The following FBXL17 variants were observed in gnomAD, a reference collection of about 807,000 sequenced individuals.
FBXL17 encodes F-box and leucine rich repeat protein 17.
In FBXL17, 22 loss-of-function variants were observed where a neutral mutation model predicts 66.2. The observed-to-expected ratio is 0.33, with a 90% CI of 0.24 to 0.47. The LOEUF (loss-of-function observed/expected upper bound fraction) is 0.47. Ranked by LOEUF, FBXL17 falls within the 20% of genes least tolerant of loss-of-function variation. FBXL17 has a pLI of 1.00. For missense variants in FBXL17, 878 were observed against 948.2 expected, an observed-to-expected ratio of 0.93 and a Z score of 0.97; for synonymous variants, 474 against 400.5, an observed-to-expected ratio of 1.18 and a Z score of -2.19.
chr5:108,202,594 C>T (rs1753941598), intron 5 of FBXL17, among the ~76,000 whole-genome samples: 1 of 152,084 alleles, frequency 6.6e-6, no homozygotes, highest in Non-Finnish European at 1.5e-5. Context: ...AGAACTCTAT[C>T]TATACTATAT....
intron 6 of FBXL17, among the ~76,000 whole-genome samples, chr5:108,037,338 T>G (rs1746885900): frequency 6.6e-6 from 1 of 152,136 alleles, no homozygotes; most frequent in South Asian, 2.1e-4. Context: ...CCATGAAAAT[T>G]TCCACTGTAA....
chr5:108,221,619 A>G (rs181027383), intron 5 of FBXL17, among the ~76,000 whole-genome samples: 89 of 152,292 alleles, frequency 5.8e-4, no homozygotes, highest in African/African-American at 2.1e-3. Flanking sequence ...GATAACTCTT[A>G]ACACTCTATA....
chr5:107,963,244 T>C (rs190464864), intron 7 of FBXL17, among the ~76,000 whole-genome samples: 92 of 152,224 alleles, frequency 6.0e-4, no homozygotes, highest in African/African-American at 2.2e-3. Flanking sequence ...CATCCACCCA[T>C]ACATTGAGGG....
chr5:108,175,375 A>G (rs1409854487), intron 6 of FBXL17, among the ~76,000 whole-genome samples: 3 of 152,238 alleles, frequency 2.0e-5, no homozygotes, highest in Non-Finnish European at 4.4e-5. Flanking sequence ...TCAGCTAGAC[A>G]GTAACATGAT....
At chr5:108,036,292 A>C (rs1322980989) in intron 6 of FBXL17, among the ~76,000 whole-genome samples, 1 of 152,196 alleles carries the variant, frequency 6.6e-6, no homozygotes, top group African/African-American at 2.4e-5. Flanking sequence ...TCTCAAAACA[A>C]TAAACCTTTC....
intron 6 of FBXL17, among the ~76,000 whole-genome samples, chr5:108,045,915 G>T (rs1267574378): frequency 6.6e-6 from 1 of 152,168 alleles, no homozygotes; most frequent in African/African-American, 2.4e-5. Context: ...ATGGTTACTT[G>T]AAAAGAATGT....
chr5:108,300,787 TGAA>T (rs1758553873), intron 4 of FBXL17, among the ~76,000 whole-genome samples: 1 of 151,662 alleles, frequency 6.6e-6, no homozygotes, highest in Non-Finnish European at 1.5e-5. Context: ...ATCTATATAA[TGAA>T]GGTCTATATG....
chr5:108,004,926 C>T (rs1336733049), intron 7 of FBXL17, among the ~76,000 whole-genome samples: 1 of 152,044 alleles, frequency 6.6e-6, no homozygotes, highest in African/African-American at 2.4e-5. Context: ...CTCATTTCCC[C>T]AACCCTAAGA....
intron 4 of FBXL17, among the ~76,000 whole-genome samples, chr5:108,311,464 A>T (rs1161524924): frequency 6.6e-6 from 1 of 152,022 alleles, no homozygotes; most frequent in Non-Finnish European, 1.5e-5. Context: ...GAGCTGCCAC[A>T]CCCGGCCTTC....
intron 8 of FBXL17, among the ~76,000 whole-genome samples, chr5:107,873,930 T>C (rs913042542): frequency 4.6e-5 from 7 of 152,118 alleles, no homozygotes; most frequent in Admixed American, 4.6e-4. Context: ...AATTTCACTA[T>C]CCATCAATCC....
intron 4 of FBXL17, among the ~76,000 whole-genome samples, chr5:108,250,031 C>G (rs1455225249): frequency 1.3e-5 from 2 of 151,994 alleles, no homozygotes; most frequent in African/African-American, 4.8e-5. Flanking sequence ...GTTTCATATC[C>G]AAGAGCCCAT....
chr5:107,870,687 G>A (rs902666984), intron 8 of FBXL17, among the ~76,000 whole-genome samples: 7 of 151,706 alleles, frequency 4.6e-5, no homozygotes, highest in Non-Finnish European at 7.4e-5. Context: ...CTGGGTCCAA[G>A]TGATTCTCCT....
chr5:108,098,029 TAGA>T (rs1228356250), intron 6 of FBXL17, among the ~76,000 whole-genome samples: 1 of 152,120 alleles, frequency 6.6e-6, no homozygotes, highest in Non-Finnish European at 1.5e-5. Flanking sequence ...CTAGATCTCC[TAGA>T]AGAAGCTCAT....
intron 7 of FBXL17, among the ~76,000 whole-genome samples, chr5:108,016,782 C>CTT (rs372887324): frequency 0.28 from 40,092 of 145,022 alleles, 6,500 homozygotes; most frequent in Admixed American, 0.37. Flanking sequence ...TTCTTTCTTT[C>CTT]TTTCTTTTTT....
intron 7 of FBXL17, among the ~76,000 whole-genome samples, chr5:107,921,943 C>G (rs893904628): frequency 6.6e-6 from 1 of 152,156 alleles, no homozygotes; most frequent in African/African-American, 2.4e-5. Flanking sequence ...ACGTGGATAC[C>G]AAAGCTAATG....
chr5:108,018,073 C>T (rs1488107988), intron 7 of FBXL17, among the ~76,000 whole-genome samples: 1 of 151,938 alleles, frequency 6.6e-6, no homozygotes, highest in African/African-American at 2.4e-5. Context: ...TCTCAGTATA[C>T]TGTACTAAAA....
intron 6 of FBXL17, among the ~76,000 whole-genome samples, chr5:108,096,146 G>C (rs1345414880): frequency 6.6e-6 from 1 of 152,166 alleles, no homozygotes; most frequent in Non-Finnish European, 1.5e-5. Context: ...AAAATACTCT[G>C]ATTTTGTTCA....
At chr5:107,929,210 C>CCTTG (rs930880255) in intron 7 of FBXL17, among the ~76,000 whole-genome samples, 1 of 152,040 alleles carries the variant, frequency 6.6e-6, no homozygotes, top group African/African-American at 2.4e-5. Flanking sequence ...TTTTTAAATG[C>CCTTG]CTTGTCCTTT....
At chr5:108,060,725 C>G (rs184291192) in intron 6 of FBXL17, among the ~76,000 whole-genome samples, 44 of 152,230 alleles carry the variant, frequency 2.9e-4, no homozygotes, top group African/African-American at 1.1e-3. Context: ...CCATCCCCCC[C>G]TCCCACACAC....
Sources: allele counts gnomAD v4.1 joint callset (sites outside exome capture counted in the v4.1 genomes callset), GRCh38; gene constraint gnomAD v4.1.1; transcripts MANE v1.5; gene names NCBI Gene and HGNC (gene_info 2026-07-23, HGNC 2026-07-21).